The following DGKG variants were observed in gnomAD, a reference collection of about 807,000 sequenced individuals.
DGKG encodes DAG kinase gamma.
Under a neutral mutation model 105.3 loss-of-function variants are expected in DGKG, and 78 were observed. The ratio of observed to expected loss-of-function variants is 0.74; its 90% CI spans 0.62 to 0.89. The LOEUF (loss-of-function observed/expected upper bound fraction) is 0.89, where lower values mean the gene tolerates loss of function less well. DGKG is among the 40% of genes least tolerant of loss of function. The pLI is 0.00. For synonymous variants in DGKG, 346 were observed against 367.1 expected, an observed-to-expected ratio of 0.94 and a Z score of 0.66; for missense variants, 958 against 1,020.1, an observed-to-expected ratio of 0.94 and a Z score of 0.83.
intron 2 of DGKG, among the ~76,000 whole-genome samples, chr3:186,315,171 C>T (rs1396957945): frequency 6.6e-6 from 1 of 152,184 alleles, no homozygotes; most frequent in East Asian, 1.9e-4. Context: ...CCAGACAGTT[C>T]CAGGGAAAGG....
At position 186,267,709 on chromosome 3, in the gene DGKG, G is replaced by A. The variant is rs781640057; in HGVS notation, c.1185C>T (p.Pro395=). 1 of 1,614,056 alleles carries A rather than the reference G, an allele frequency of 6.2e-7. No individual in the cohort carries two copies. Among genetic ancestry groups the A allele is most frequent in the Non-Finnish European group, 8.5e-7 (1 of 1,179,934 alleles). ...CCCGGGTGATGGGGCATATGGAGGT[G>A]GGCAGTAAGATGTGGTCTCTGAGTT... ...GGELRDHILL[P]TSICPITRDR... Residue 395 remains proline (P), a synonymous_variant, in exon 13 of 25, where the codon CCC becomes CCT. Transcript: ENST00000265022.
At position 186,310,463 on chromosome 3, in the gene DGKG, C is replaced by T. The variant is rs117109136; in HGVS notation, c.68-3486G>A. Among the ~76,000 whole-genome samples the T allele has an allele frequency of 1.8e-4, 27 of 152,172 alleles. No homozygotes were observed. In the East Asian group the frequency reaches 5.2e-3, roughly 29 times the overall value. On this transcript the variant is annotated intron_variant, in intron 2 of 24. Transcript: ENST00000265022. ...CAAATTTGGGACACATTACTTTCTC[C>T]TTGGATGTCCTTATATACTTTATAA... is the stretch of plus-strand genomic sequence containing the variant.
chr3:186,348,826 T>A (rs1184003651), intron 1 of DGKG, among the ~76,000 whole-genome samples: 5 of 152,208 alleles, frequency 3.3e-5, no homozygotes, highest in Non-Finnish European at 7.3e-5. Context: ...GCACAATGTC[T>A]GACACTTGCT....
chr3:186,286,281 C>T (rs1030678493), intron 6 of DGKG, among the ~76,000 whole-genome samples: 1 of 152,186 alleles, frequency 6.6e-6, no homozygotes, highest in African/African-American at 2.4e-5. Flanking sequence ...CTGACTCACC[C>T]AGCAGATGGT....
At chr3:186,326,398 T>TA (rs903223104) in intron 1 of DGKG, among the ~76,000 whole-genome samples, 26 of 145,546 alleles carry the variant, frequency 1.8e-4, no homozygotes, top group East Asian at 1.0e-3. Flanking sequence ...GACACTGTCT[T>TA]AAAAAAAAAA....
chr3:186,193,727 C>T (rs1346781813), intron 21 of DGKG, among the ~76,000 whole-genome samples: 3 of 152,196 alleles, frequency 2.0e-5, no homozygotes, highest in African/African-American at 7.2e-5. Flanking sequence ...GGGGCCCGCT[C>T]CCCGGCGGGT....
At chr3:186,211,969 C>T in intron 20 of DGKG, 84 bp from the exon 21 acceptor site, 1 of 1,083,552 alleles carries the variant, frequency 9.2e-7, no homozygotes, top group South Asian at 1.3e-5. Flanking sequence ...GATTGGGAGG[C>T]CCAAGCCTTC....
chr3:186,213,517 G>A (rs562712325), intron 20 of DGKG, among the ~76,000 whole-genome samples: 24 of 152,360 alleles, frequency 1.6e-4, no homozygotes, highest in African/African-American at 5.5e-4. Context: ...ATTTTATGAA[G>A]ATGCACATTC....
chr3:186,160,491 T>TG (rs1716241732), intron 24 of DGKG: 1 of 985,420 alleles, frequency 1.0e-6, no homozygotes, highest in African/African-American at 1.7e-5. Flanking sequence ...ATTTTTTTCT[T>TG]GGTCTTCATA....
chr3:186,240,545 C>T (rs1321826284), intron 20 of DGKG, among the ~76,000 whole-genome samples: 1 of 152,174 alleles, frequency 6.6e-6, no homozygotes, highest in Non-Finnish European at 1.5e-5. Context: ...TGCAGTGGCT[C>T]AAGTCTGTAA....
chr3:186,163,898 T>G (rs1040619870), intron 23 of DGKG, among the ~76,000 whole-genome samples: 1 of 152,038 alleles, frequency 6.6e-6, no homozygotes, highest in Admixed American at 6.6e-5. Context: ...GACCCCATCA[T>G]GACAACAGCT....
intron 1 of DGKG, among the ~76,000 whole-genome samples, chr3:186,325,159 T>C (rs1725275646): frequency 6.6e-6 from 1 of 152,172 alleles, no homozygotes; most frequent in Admixed American, 6.5e-5. Flanking sequence ...AAATACTACA[T>C]GTTCTTACTT....
chr3:186,297,562 G>A (rs1723644948), intron 4 of DGKG, 79 bp from the exon 5 acceptor site: 1 of 1,013,812 alleles, frequency 9.9e-7, no homozygotes, highest in Non-Finnish European at 1.6e-6. Flanking sequence ...ACATCCCCAT[G>A]GGACCTGGTT....
chr3:186,277,088 G>A (rs771634365), intron 9 of DGKG, among the ~76,000 whole-genome samples: 2 of 152,022 alleles, frequency 1.3e-5, no homozygotes, highest in Non-Finnish European at 2.9e-5. Flanking sequence ...CTTATCTAAC[G>A]GTCTCCACTT....
Position 186,356,979 on chromosome 3 carries a change from G to A in DGKG, c.-249+4967C>T, listed in dbSNP as rs138621890. 3.6e-3 allele frequency among the ~76,000 whole-genome samples: 549 copies of A among 152,260 alleles called. 3 individuals carry two copies. Among genetic ancestry groups the A allele is most frequent in the African/African-American group, 0.013 (530 of 41,536 alleles). On this transcript the variant is annotated intron_variant, in intron 1 of 24. Coordinates refer to ENST00000265022, the MANE Select transcript of DGKG (RefSeq NM_001346.3). ...AGAGGGGAGAGTTGCTGGCTTCTGGGTTCTTTCCTCGCAGAGGCTCATGCA... is the reference window on the plus strand; with the variant it reads ...AGAGGGGAGAGTTGCTGGCTTCTGGATTCTTTCCTCGCAGAGGCTCATGCA...
rs142003957 is a variant in DGKG at position 186,251,276 on chromosome 3, G to A, written c.1761+483C>T. ...CCTAGAGGTTTATGATGCCCATGGAGTGAGTGGAATGGGGTTGAGAGAAGA... is the reference window on the plus strand; with the variant it reads ...CCTAGAGGTTTATGATGCCCATGGAATGAGTGGAATGGGGTTGAGAGAAGA... On this transcript the variant is annotated intron_variant, in intron 19 of 24. Coordinates refer to ENST00000265022, the MANE Select transcript of DGKG (RefSeq NM_001346.3). 6.3e-3 allele frequency among the ~76,000 whole-genome samples: 961 copies of A among 152,304 alleles called. 7 individuals carry two copies. Among genetic ancestry groups the A allele is most frequent in the Admixed American group, 9.9e-3 (152 of 15,306 alleles).
chr3:186,267,702 T>C lies in DGKG; in HGVS notation c.1192A>G (p.Ile398Val), dbSNP rs751777177. 1.1e-5 allele frequency: 17 copies of C among 1,613,854 alleles called. No individual in the cohort carries two copies. Among genetic ancestry groups the C allele is most frequent in the Admixed American group, 3.3e-5 (2 of 59,990 alleles). Residue 398 changes from isoleucine to valine, a missense_variant, in exon 13 of 25, where the codon ATA (isoleucine) becomes GTA (valine). Physicochemically the swap from Ile to Val is conservative, Grantham distance 29. This residue lies in a region of DGKG where 643 missense variants were observed against 619.5 expected (regional missense o/e 1.04). Transcript: ENST00000265022. ...LRDHILLPTSICPITRDRPGE... is the reference protein window; with the variant it reads ...LRDHILLPTSVCPITRDRPGE... ...GCACTTACCCGGGTGATGGGGCATA[T>C]GGAGGTGGGCAGTAAGATGTGGTCT...
chr3:186,224,726 A>AACCCCCCCCC (rs1719765345), intron 20 of DGKG, among the ~76,000 whole-genome samples: 1 of 129,940 alleles, frequency 7.7e-6, no homozygotes, highest in Non-Finnish European at 1.6e-5. Context: ...AATGATTGAC[A>AACCCCCCCCC]CCCCCCCGCC....
chr3:186,277,404 A>G (rs1024667979), intron 9 of DGKG, among the ~76,000 whole-genome samples: 4 of 152,242 alleles, frequency 2.6e-5, no homozygotes, highest in Non-Finnish European at 4.4e-5. Flanking sequence ...GCCCAAGCCC[A>G]CATAGATAAT....
Sources: allele counts gnomAD v4.1 joint callset (sites outside exome capture counted in the v4.1 genomes callset), GRCh38; gene constraint gnomAD v4.1.1; regional missense constraint gnomAD v4.1.1; transcripts MANE v1.5; gene names NCBI Gene and HGNC (gene_info 2026-07-23, HGNC 2026-07-21).